GHR: variants seen among roughly 807,000 people sequenced by gnomAD.
GHR encodes GH receptor.
Under a neutral mutation model 67.1 loss-of-function variants are expected in GHR, and 35 were observed. The observed-to-expected ratio is 0.52, with a 90% CI of 0.40 to 0.69. The LOEUF (loss-of-function observed/expected upper bound fraction) is 0.69. Ranked by LOEUF, GHR falls within the 30% of genes least tolerant of loss-of-function variation. GHR has a pLI of 0.00. For missense variants in GHR, 792 were observed against 764.6 expected (o/e 1.04, Z -0.42); for synonymous variants, 272 against 269.1 (o/e 1.01, Z -0.10).
chr5:42,574,753 T>G (rs1178093672), intron 2 of GHR, among the ~76,000 whole-genome samples: 5 of 152,202 alleles, frequency 3.3e-5, no homozygotes, highest in African/African-American at 9.6e-5. Context: ...ATGAGATGTA[T>G]TTAGATCAAA....
chr5:42,494,660 G>T (rs552945033), intron 1 of GHR, among the ~76,000 whole-genome samples: 26 of 152,252 alleles, frequency 1.7e-4, no homozygotes, highest in African/African-American at 6.3e-4. Flanking sequence ...CGTATGGGAG[G>T]ATAAGAGAGA....
At chr5:42,478,736 T>A (rs979771053) in intron 1 of GHR, among the ~76,000 whole-genome samples, 33 of 152,244 alleles carry the variant, frequency 2.2e-4, no homozygotes, top group Non-Finnish European at 4.7e-4. Context: ...ATTGATTTTG[T>A]ATCCTGAGAC....
At chr5:42,477,626 A>G (rs1417489774) in intron 1 of GHR, among the ~76,000 whole-genome samples, 1 of 152,186 alleles carries the variant, frequency 6.6e-6, no homozygotes, top group African/African-American at 2.4e-5. Flanking sequence ...CATTTCTCTG[A>G]TGGCCAGTGA....
At chr5:42,587,638 A>T (rs1751548307) in intron 2 of GHR, among the ~76,000 whole-genome samples, 1 of 151,846 alleles carries the variant, frequency 6.6e-6, no homozygotes, top group East Asian at 1.9e-4. Context: ...TCGTATCGGA[A>T]TGTGAACTTG....
chr5:42,441,040 A>T (rs1045403283), intron 1 of GHR, among the ~76,000 whole-genome samples: 1 of 152,210 alleles, frequency 6.6e-6, no homozygotes, highest in African/African-American at 2.4e-5. Context: ...AGATACCTCA[A>T]TGTATAAATT....
chr5:42,452,545 T>C (rs1474137495), intron 1 of GHR, among the ~76,000 whole-genome samples: 1 of 152,186 alleles, frequency 6.6e-6, no homozygotes, highest in Non-Finnish European at 1.5e-5. Flanking sequence ...ATTCTTAGGT[T>C]TGACTGTTTA....
intron 1 of GHR, among the ~76,000 whole-genome samples, chr5:42,520,266 A>T (rs6863381): frequency 0.27 from 40,351 of 151,924 alleles, 5,789 homozygotes; most frequent in African/African-American, 0.29. Flanking sequence ...AGTACCTATT[A>T]TACAAGGGGA....
intron 1 of GHR, among the ~76,000 whole-genome samples, chr5:42,486,948 T>C (rs1167454707): frequency 1.3e-5 from 2 of 152,178 alleles, no homozygotes; most frequent in Non-Finnish European, 2.9e-5. Context: ...TACATTTCTG[T>C]AGTCTAATAC....
At chr5:42,597,558 A>C (rs1752138822) in intron 2 of GHR, among the ~76,000 whole-genome samples, 1 of 152,238 alleles carries the variant, frequency 6.6e-6, no homozygotes, top group South Asian at 2.1e-4. Flanking sequence ...GGGTCGAGGA[A>C]AGACTTACTA....
At chr5:42,681,691 CTTT>C in intron 3 of GHR, among the ~76,000 whole-genome samples, 1 of 152,250 alleles carries the variant, frequency 6.6e-6, no homozygotes, top group East Asian at 1.9e-4. Context: ...AATCCCAGCA[CTTT>C]GGGAGGCTGA....
At chr5:42,631,474 T>C (rs934914107) in intron 3 of GHR, among the ~76,000 whole-genome samples, 2 of 152,172 alleles carry the variant, frequency 1.3e-5, no homozygotes, top group Non-Finnish European at 2.9e-5. Context: ...CACATCCAGA[T>C]GTGACAGACT....
chr5:42,442,825 A>G (rs1743635431), intron 1 of GHR, among the ~76,000 whole-genome samples: 1 of 152,242 alleles, frequency 6.6e-6, no homozygotes, highest in African/African-American at 2.4e-5. Flanking sequence ...CAAAAACAAA[A>G]AACACTGAAA....
At chr5:42,672,177 A>G (rs986595138) in intron 3 of GHR, among the ~76,000 whole-genome samples, 3 of 152,168 alleles carry the variant, frequency 2.0e-5, no homozygotes, top group African/African-American at 7.2e-5. Flanking sequence ...AAAAGACATC[A>G]AAATAGAAAA....
chr5:42,462,994 A>G lies in GHR; in HGVS notation c.-12+39039A>G, dbSNP rs572470736. On this transcript the variant is annotated intron_variant, in intron 1 of 9. Transcript: ENST00000230882. ...TAGTTTCAGTATTACATTGATAAAT[A>G]TTTCCAGAATAAGCTATAAAAAATA... is the stretch of plus-strand genomic sequence containing the variant. 2.2e-3 allele frequency among the ~76,000 whole-genome samples: 329 copies of G among 152,294 alleles called. 1 individual carries two copies. The highest frequency in any genetic ancestry group is 7.7e-3 in the African/African-American group (322 of 41,578).
At chr5:42,437,608 C>T (rs1743385352) in intron 1 of GHR, among the ~76,000 whole-genome samples, 1 of 151,436 alleles carries the variant, frequency 6.6e-6, no homozygotes, top group African/African-American at 2.4e-5. Context: ...AGTGCAGTGG[C>T]GTGAACTTGG....
At chr5:42,652,747 G>A (rs1755070955) in intron 3 of GHR, among the ~76,000 whole-genome samples, 1 of 152,124 alleles carries the variant, frequency 6.6e-6, no homozygotes, top group Admixed American at 6.6e-5. Context: ...GGTAGGTACT[G>A]TTATCCCTCT....
chr5:42,633,910 A>G (rs1235054071), intron 3 of GHR, among the ~76,000 whole-genome samples: 1 of 152,180 alleles, frequency 6.6e-6, no homozygotes, highest in Non-Finnish European at 1.5e-5. Flanking sequence ...CCTGTGAGCC[A>G]TATTTCAAAT....
intron 2 of GHR, among the ~76,000 whole-genome samples, chr5:42,627,703 C>A (rs1753774036): frequency 2.6e-5 from 4 of 152,196 alleles, no homozygotes; most frequent in Admixed American, 2.6e-4. Context: ...TGCCTTGGCC[C>A]CTTGGCCCCT....
chr5:42,661,120 ATGTC>A (rs1313586837), intron 3 of GHR, among the ~76,000 whole-genome samples: 1 of 152,228 alleles, frequency 6.6e-6, no homozygotes, highest in Non-Finnish European at 1.5e-5. Context: ...GACCAAATCT[ATGTC>A]TGATTGGTGT....
Sources: allele counts gnomAD v4.1 joint callset (sites outside exome capture counted in the v4.1 genomes callset), GRCh38; gene constraint gnomAD v4.1.1; transcripts MANE v1.5; gene names NCBI Gene and HGNC (gene_info 2026-07-23, HGNC 2026-07-21).